Variants in C4orf54 observed in about 807,000 individuals in gnomAD.
C4orf54 encodes uncharacterized protein C4orf54.
In C4orf54, 67 loss-of-function variants were observed where a neutral mutation model predicts 80.1. The observed-to-expected ratio is 0.84, with a 90% CI of 0.69 to 1.03. The LOEUF (loss-of-function observed/expected upper bound fraction) is 1.03. Ranked by LOEUF, C4orf54 falls within the 50% of genes least tolerant of loss-of-function variation. The probability of loss-of-function intolerance (pLI) is 0.00; values close to 1 mark genes in which losing one functional copy is unlikely to be tolerated. For synonymous variants in C4orf54, 1,000 were observed against 917.0 expected, an observed-to-expected ratio of 1.09 and a Z score of -1.64; for missense variants, 2,434 against 2,253.5, an observed-to-expected ratio of 1.08 and a Z score of -1.62.
In C4orf54 at chr4:99,649,940, T is replaced by C; in HGVS notation, c.4709A>G (p.Gln1570Arg). The C allele has an allele frequency of 6.5e-7, 1 of 1,531,354 alleles. No homozygotes were observed. The highest frequency in any genetic ancestry group is 8.7e-7 in the Non-Finnish European group (1 of 1,143,950). 94.9% of individuals were successfully genotyped at this position (1,531,354 alleles called of 1,614,324 possible). ...GCAGAGGACCTGAGGCTGGGCCCCC[T>C]GTAGGGTGAAGGGCAGCGGCGGCTG... Reference protein sequence around the residue: ...YHQPPLPFTLQGAQPQVLCFS... With the variant: ...YHQPPLPFTLRGAQPQVLCFS... Residue 1570 changes from glutamine (Q) to arginine (R), a missense_variant, in exon 2 of 3, where the codon CAG becomes CGG. Physicochemically the swap from Gln to Arg is conservative, Grantham distance 43 (BLOSUM62 1). Transcript: ENST00000511828.
Position 99,650,030 on chromosome 4 carries a change from C to A in C4orf54, c.4619G>T (p.Arg1540Leu). Reference sequence around the variant, plus strand: ...CCCTGGGGGGGCAGCTACTGTCTCCCGGGGGTTGTCAGGTTTGGTACGCCA... The same window carrying A: ...CCCTGGGGGGGCAGCTACTGTCTCCAGGGGGTTGTCAGGTTTGGTACGCCA... ...PAWRTKPDNP[R>L]ETVAAPPGPQ... The change falls in exon 2 of 3, where the codon CGG becomes CTG. Residue 1540 changes from arginine (R) to leucine (L), a missense_variant. Arg to Leu is a moderately radical substitution (Grantham distance 102, BLOSUM62 -2). Coordinates refer to ENST00000511828, the MANE Select transcript of C4orf54 (RefSeq NM_001354435.2). The A allele has an allele frequency of 9.1e-6, 14 of 1,535,362 alleles. No individual in the cohort carries two copies. Among genetic ancestry groups the A allele is most frequent in the Non-Finnish European group, 1.1e-5 (13 of 1,146,688 alleles).
chr4:99,654,760 A>C (rs1726952773), intron 1 of C4orf54, 81 bp from the exon 2 acceptor site: 1 of 599,398 alleles, frequency 1.7e-6, no homozygotes, highest in East Asian at 2.8e-5. Context: ...ACCACACTTG[A>C]GGGTAGAAAG....
At position 99,650,743 on chromosome 4, in the gene C4orf54, T is replaced by A. The variant is rs1726803041; in HGVS notation, c.3906A>T (p.Val1302=). The change falls in exon 2 of 3, where the codon GTA becomes GTT. Residue 1302 remains valine (V), a synonymous_variant. Transcript: ENST00000511828. ...SLIASEEREG[V]VVADGDHDKL... is the part of the protein sequence containing the mutation. The stretch of plus-strand genomic sequence containing the variant: ...TGTCGTGGTCTCCATCAGCAACCAC[T>A]ACCCCTTCCCTCTCCTCACTGGCAA... 1 of 1,535,954 alleles carries A rather than the reference T, an allele frequency of 6.5e-7. No homozygotes were observed. The highest frequency in any genetic ancestry group is 1.4e-5 in the African/African-American group (1 of 73,042).
At chr4:99,647,077 G>C (rs1347782097) in intron 2 of C4orf54, among the ~76,000 whole-genome samples, 1 of 152,168 alleles carries the variant, frequency 6.6e-6, no homozygotes, top group African/African-American at 2.4e-5. Flanking sequence ...TAAAATGAAG[G>C]TCGTGCTTTC....
chr4:99,639,968 G>T lies in C4orf54; in HGVS notation c.*1265C>A, dbSNP rs1400100636. On this transcript the variant is annotated 3_prime_UTR_variant, in exon 3 of 3. Coordinates refer to ENST00000511828, the MANE Select transcript of C4orf54 (RefSeq NM_001354435.2). ...GGAGATTCTTAAAAAAAAATCCTGG[G>T]AAAACCTTCAAATTATTCCTTTAAA... The T allele has an allele frequency of 6.6e-6, 1 of 151,842 alleles. No homozygotes were observed. The highest frequency in any genetic ancestry group is 1.5e-5 in the Non-Finnish European group (1 of 67,894). 9.4% of individuals were successfully genotyped at this position (151,842 alleles called of 1,614,324 possible).
In C4orf54 at chr4:99,643,776, ACACACACACACACACAC is replaced by A. The variant is rs1193936599; in HGVS notation, c.*37-2597_*37-2581del. Among the ~76,000 whole-genome samples, 80 of 142,478 alleles carry A rather than the reference ACACACACACACACACAC, an allele frequency of 5.6e-4. 1 individual carries two copies. Among genetic ancestry groups the A allele is most frequent in the African/African-American group, 2.1e-3 (79 of 37,848 alleles). The allele number at this position is 142,478 out of a possible 152,430, so 93.5% of individuals were successfully genotyped here. A position where few individuals can be genotyped will look rare whatever the true frequency, so the allele number is the denominator to read the frequency against. Reference sequence around the variant, plus strand: ...CACACACACACACACACACACACACACACACACACACACACACCCCCTCCGCGGCAGTAAAACGGCCA... The same window carrying A: ...CACACACACACACACACACACACACACCCCTCCGCGGCAGTAAAACGGCCA... On this transcript the variant is annotated intron_variant, in intron 2 of 2. Transcript: ENST00000511828.
chr4:99,657,062 A>G (rs1351982769), intron 1 of C4orf54, among the ~76,000 whole-genome samples: 1 of 152,272 alleles, frequency 6.6e-6, no homozygotes, highest in East Asian at 1.9e-4. Context: ...AAATGAAATA[A>G]CATATAGTTG....
In C4orf54 at chr4:99,652,491, C is replaced by T. The variant is rs1342452475; in HGVS notation, c.2158G>A (p.Val720Met). Reference protein sequence around the residue: ...KKSQTKALEFVVSKVEGEIKH... With the variant: ...KKSQTKALEFMVSKVEGEIKH... ...ATTTCCCCCTCGACTTTGCTGACCA[C>T]GAACTCCAAGGCCTTGGTCTGAGAC... The change falls in exon 2 of 3, where the codon GTG (valine) becomes ATG (methionine). Residue 720 changes from valine (V) to methionine (M), a missense_variant. Transcript: ENST00000511828. 16 of 1,535,696 alleles carry T rather than the reference C, an allele frequency of 1.0e-5. No homozygotes were observed. The highest frequency in any genetic ancestry group is 1.4e-5 in the Non-Finnish European group (16 of 1,146,700).
rs1726820560 is a variant in C4orf54, at chr4:99,651,281, C to T, written c.3368G>A (p.Ser1123Asn). ...KGSGDSSDKG[S>N]VTPEQGLTGP... ...AGTCAGCCCCTGCTCTGGGGTAACACTGCCCTTGTCACTACTATCCCCTGA... is the reference window on the plus strand; with the variant it reads ...AGTCAGCCCCTGCTCTGGGGTAACATTGCCCTTGTCACTACTATCCCCTGA... The change falls in exon 2 of 3, where the codon AGT becomes AAT. Residue 1123 changes from serine to asparagine, a missense_variant. Physicochemically the swap from Ser to Asn is conservative, Grantham distance 46. Coordinates refer to ENST00000511828, the MANE Select transcript of C4orf54 (RefSeq NM_001354435.2). 2 of 1,536,160 alleles carry T rather than the reference C, an allele frequency of 1.3e-6. No individual in the cohort carries two copies. The highest frequency in any genetic ancestry group is 1.7e-6 in the Non-Finnish European group (2 of 1,146,918).
rs1383350069 is a variant in C4orf54, at chr4:99,649,563, G to A, written c.5086C>T (p.Pro1696Ser). ...VLPTNALQPT[P>S]IARAPRGSEL... ...CTTCCTCTTGGAGCGCGAGCAATTG[G>A]TGTGGGCTGCAGAGCATTGGTGGGC... is the stretch of plus-strand genomic sequence containing the variant. The change falls in exon 2 of 3, where the codon CCA becomes TCA. Residue 1696 changes from proline to serine, a missense_variant. Coordinates refer to ENST00000511828, the MANE Select transcript of C4orf54 (RefSeq NM_001354435.2). 1.1e-5 allele frequency: 17 copies of A among 1,536,064 alleles called. No individual in the cohort carries two copies. Among genetic ancestry groups the A allele is most frequent in the Non-Finnish European group, 1.5e-5 (17 of 1,146,934 alleles).
chr4:99,649,570 C>T lies in C4orf54; in HGVS notation c.5079G>A (p.Gln1693=). The T allele has an allele frequency of 1.3e-6, 2 of 1,536,130 alleles. No individual in the cohort carries two copies. The highest frequency in any genetic ancestry group is 1.4e-5 in the African/African-American group (1 of 73,164). Residue 1693 remains glutamine (Q), a synonymous_variant, in exon 2 of 3, where the codon CAG becomes CAA. Transcript: ENST00000511828. The part of the protein sequence containing the change: ...LPTVLPTNAL[Q]PTPIARAPRG... ...TTGGAGCGCGAGCAATTGGTGTGGG[C>T]TGCAGAGCATTGGTGGGCAGCACGG...
intron 2 of C4orf54, among the ~76,000 whole-genome samples, chr4:99,648,574 T>C (rs1193837197): frequency 6.6e-6 from 1 of 151,850 alleles, no homozygotes; most frequent in Non-Finnish European, 1.5e-5. Context: ...TGTGTGTGTG[T>C]GTGTGTGTGT....
Position 99,652,544 on chromosome 4 carries a change from G to T in C4orf54, c.2105C>A (p.Ala702Asp). 2 of 1,536,052 alleles carry T rather than the reference G, an allele frequency of 1.3e-6. No homozygotes were observed. Among genetic ancestry groups the T allele is most frequent in the Non-Finnish European group, 1.7e-6 (2 of 1,146,892 alleles). Residue 702 changes from alanine (A) to aspartate (D), a missense_variant, in exon 2 of 3, where the codon GCC (alanine) becomes GAC (aspartate). Coordinates refer to ENST00000511828, the MANE Select transcript of C4orf54 (RefSeq NM_001354435.2). The stretch of plus-strand genomic sequence containing the variant: ...CTTGGACTGGATGTAGAGCTGGTCG[G>T]CAGTGGCCCGGGCCCCACTGCCCTT... Reference protein sequence around the residue: ...LRKGSGARATADQLYIQSKKS... With the variant: ...LRKGSGARATDDQLYIQSKKS...
At chr4:99,655,197 A>C (rs1419446984) in intron 1 of C4orf54, among the ~76,000 whole-genome samples, 1 of 152,226 alleles carries the variant, frequency 6.6e-6, no homozygotes, top group Non-Finnish European at 1.5e-5. Context: ...TTCAAAATAG[A>C]AGAATCTCTC....
chr4:99,654,423 G>A lies in C4orf54; in HGVS notation c.226C>T (p.Leu76Phe). The change falls in exon 2 of 3, where the codon CTT becomes TTT. Residue 76 changes from leucine (L) to phenylalanine (F), a missense_variant. Coordinates refer to ENST00000511828, the MANE Select transcript of C4orf54 (RefSeq NM_001354435.2). ...SSRSLPTSLRLAAAPPQGLKN... is the reference protein window; with the variant it reads ...SSRSLPTSLRFAAAPPQGLKN... The stretch of plus-strand genomic sequence containing the variant: ...AGCCCCTGTGGCGGGGCCGCAGCAA[G>A]CCTGAGGGAGGTGGGAAGGCTCCTG... 1.3e-6 allele frequency: 1 copy of A among 775,676 alleles called. No individual in the cohort carries two copies. Among genetic ancestry groups the A allele is most frequent in the Non-Finnish European group, 2.2e-6 (1 of 451,736 alleles). The allele number at this position is 775,676 out of a possible 1,614,324, so 48.0% of individuals were successfully genotyped here. A position where few individuals can be genotyped will look rare whatever the true frequency, so the allele number is the denominator to read the frequency against.
At chr4:99,644,167 T>C (rs550069552) in intron 2 of C4orf54, among the ~76,000 whole-genome samples, 1 of 152,124 alleles carries the variant, frequency 6.6e-6, no homozygotes, top group South Asian at 2.1e-4. Context: ...CAATAGGTGT[T>C]GATCTGGGAT....
In C4orf54 at chr4:99,657,697, T is replaced by A. The variant is rs867140908; in HGVS notation, c.-234A>T. On this transcript the variant is annotated 5_prime_UTR_variant, in exon 1 of 3. Transcript: ENST00000511828. ...TTAAAAGCAAAAAACAACTGATAAA[T>A]AGAAAAACGATAAAGGCTAAAGTAA... 1.3e-5 allele frequency among the ~76,000 whole-genome samples: 2 copies of A among 152,190 alleles called. No homozygotes were observed. The highest frequency in any genetic ancestry group is 4.1e-4 in the South Asian group (2 of 4,820).
In C4orf54 at chr4:99,649,710, G is replaced by GT; in HGVS notation, c.4938_4939insA (p.Pro1647ThrfsTer59). ...ACAGCCTGCTGCTGGGAGGTCATGG[G>GT]CACATCCACATACTGCCCTGTCTCA... On this transcript the variant is annotated frameshift_variant, in exon 2 of 3. Transcript: ENST00000511828. LOFTEE classifies it low-confidence loss of function (END_TRUNC). 6.5e-7 allele frequency: 1 copy of GT among 1,536,162 alleles called. No individual in the cohort carries two copies. The highest frequency in any genetic ancestry group is 2.4e-5 in the East Asian group (1 of 40,916).
At chr4:99,642,050 T>C (rs1252816774) in intron 2 of C4orf54, among the ~76,000 whole-genome samples, 1 of 152,144 alleles carries the variant, frequency 6.6e-6, no homozygotes, top group Admixed American at 6.5e-5. Context: ...TAAATATGTG[T>C]TTTAAAAAAG....
Sources: allele counts gnomAD v4.1 joint callset (sites outside exome capture counted in the v4.1 genomes callset), GRCh38; gene constraint gnomAD v4.1.1; transcripts MANE v1.5; gene names NCBI Gene and HGNC (gene_info 2026-07-23, HGNC 2026-07-21).